SLC24A2: variants seen among roughly 807,000 people sequenced by gnomAD.
SLC24A2 encodes the protein solute carrier family 24 member 2.
Under a neutral mutation model 62.0 loss-of-function variants are expected in SLC24A2, and 36 were observed. The observed-to-expected ratio is 0.58, with a 90% CI of 0.44 to 0.77. SLC24A2 has a LOEUF of 0.77. Ranked by LOEUF, SLC24A2 falls within the 30% of genes least tolerant of loss-of-function variation. The probability of loss-of-function intolerance (pLI) is 0.00; values close to 1 mark genes in which losing one functional copy is unlikely to be tolerated. For missense variants in SLC24A2, 846 were observed against 817.9 expected (o/e 1.03, Z -0.42); for synonymous variants, 358 against 294.0 (o/e 1.22, Z -2.23).
chr9:19,535,263 G>C (rs1024366977), intron 8 of SLC24A2, among the ~76,000 whole-genome samples: 1 of 152,146 alleles, frequency 6.6e-6, no homozygotes, highest in African/African-American at 2.4e-5. Context: ...CCGTTTGTCA[G>C]ATGGATAGAT....
At chr9:19,567,002 T>C (rs1164107537) in intron 7 of SLC24A2, among the ~76,000 whole-genome samples, 18 of 151,716 alleles carry the variant, frequency 1.2e-4, no homozygotes, top group Admixed American at 1.2e-3. Flanking sequence ...GAGATATATC[T>C]AATGTAAATG....
chr9:19,769,958 T>A (rs984835567), intron 2 of SLC24A2, among the ~76,000 whole-genome samples: 1 of 152,046 alleles, frequency 6.6e-6, no homozygotes, highest in African/African-American at 2.4e-5. Flanking sequence ...GCAGGCACTG[T>A]GCACACTGTG....
At chr9:19,572,432 C>T (rs189276724) in intron 7 of SLC24A2, among the ~76,000 whole-genome samples, 180 of 152,150 alleles carry the variant, frequency 1.2e-3, no homozygotes, top group African/African-American at 4.0e-3. Flanking sequence ...GTGATTGAAT[C>T]TGGGGGGCAG....
At chr9:20,004,712 T>C in the SLC24A2 span, among the ~76,000 whole-genome samples, 1 of 152,214 alleles carries the variant, frequency 6.6e-6, no homozygotes, top group African/African-American at 2.4e-5. Flanking sequence ...CAATATGATA[T>C]ATCTTGTCTC....
At chr9:20,239,009 A>C in the SLC24A2 span, among the ~76,000 whole-genome samples, 1 of 152,216 alleles carries the variant, frequency 6.6e-6, no homozygotes, top group African/African-American at 2.4e-5. Context: ...GAGAGCTCTC[A>C]CCAGAAACTA....
At chr9:19,527,974 A>C in intron 9 of SLC24A2, 75 bp downstream of exon 9, 1 of 948,508 alleles carries the variant, frequency 1.1e-6, no homozygotes. Context: ...GCAGAAAGCA[A>C]ACACAATGAT....
chr9:19,901,493 G>C, the SLC24A2 span, among the ~76,000 whole-genome samples: 1 of 152,180 alleles, frequency 6.6e-6, no homozygotes, highest in Non-Finnish European at 1.5e-5. Flanking sequence ...GGTCAAAGGA[G>C]GAGGGGTTGG....
intron 2 of SLC24A2, among the ~76,000 whole-genome samples, chr9:19,672,040 C>A (rs904725002): frequency 6.9e-6 from 1 of 145,592 alleles, no homozygotes; most frequent in Admixed American, 6.7e-5. Context: ...CCTTTCCTGG[C>A]TTTGGTATTA....
intron 2 of SLC24A2, among the ~76,000 whole-genome samples, chr9:19,713,074 C>T (rs1820759514): frequency 6.6e-6 from 1 of 152,156 alleles, no homozygotes; most frequent in South Asian, 2.1e-4. Context: ...TCCCCTTTCC[C>T]TGTTTTATTT....
chr9:19,927,006 G>A, the SLC24A2 span: 1 of 152,200 alleles, frequency 6.6e-6, no homozygotes, highest in Non-Finnish European at 1.5e-5. Flanking sequence ...CTTGAGGCAG[G>A]GGCGTAACTC....
chr9:19,950,052 C>T, the SLC24A2 span, among the ~76,000 whole-genome samples: 2 of 152,148 alleles, frequency 1.3e-5, no homozygotes, highest in East Asian at 1.9e-4. Flanking sequence ...TGGAAGTTGA[C>T]GAGCATGGGT....
the SLC24A2 span, among the ~76,000 whole-genome samples, chr9:20,200,538 C>T: frequency 6.6e-6 from 1 of 152,222 alleles, no homozygotes; most frequent in Non-Finnish European, 1.5e-5. Flanking sequence ...GGAAATCGAA[C>T]AGAGGGAAAG....
Position 19,523,193 on chromosome 9 carries a change from AC to A in SLC24A2, c.1570-2134del, listed in dbSNP as rs373020624. Reference sequence around the variant, plus strand: ...AATTTGTATTTGGAGTTTGAATGCTACTATATACAGGAAAACATAGGAATTG... The same window carrying A: ...AATTTGTATTTGGAGTTTGAATGCTATATATACAGGAAAACATAGGAATTG... On this transcript the variant is annotated intron_variant, in intron 9 of 10. Coordinates refer to ENST00000341998, the MANE Select transcript of SLC24A2 (RefSeq NM_020344.4). Among the ~76,000 whole-genome samples the A allele has an allele frequency of 2.6e-5, 4 of 152,316 alleles. No individual in the cohort carries two copies. The East Asian group carries it at 7.7e-4, about 29-fold the overall frequency.
At chr9:20,262,869 A>G in the SLC24A2 span, among the ~76,000 whole-genome samples, 1 of 146,208 alleles carries the variant, frequency 6.8e-6, no homozygotes, top group Admixed American at 7.0e-5. Context: ...GTGCCTTTCT[A>G]TTCTGCAGGG....
At chr9:19,552,940 G>A (rs1181725340) in intron 7 of SLC24A2, among the ~76,000 whole-genome samples, 1 of 152,202 alleles carries the variant, frequency 6.6e-6, no homozygotes, top group African/African-American at 2.4e-5. Context: ...AAGCTGCATT[G>A]GAGGTAGCTG....
At chr9:19,728,184 C>T (rs1821228351) in intron 2 of SLC24A2, among the ~76,000 whole-genome samples, 2 of 152,086 alleles carry the variant, frequency 1.3e-5, no homozygotes, top group African/African-American at 4.8e-5. Context: ...GCAGCAGTTC[C>T]ACTCCAGGAC....
intron 2 of SLC24A2, among the ~76,000 whole-genome samples, chr9:19,657,374 T>A (rs1456251992): frequency 6.6e-6 from 1 of 152,126 alleles, no homozygotes; most frequent in African/African-American, 2.4e-5. Context: ...CTTTTTTTCA[T>A]GTTTTTATTT....
chr9:19,622,194 C>T, intron 3 of SLC24A2, 67 bp downstream of exon 3: 3 of 1,394,346 alleles, frequency 2.2e-6, no homozygotes, highest in Non-Finnish European at 2.0e-6. Flanking sequence ...ACCCGTCTCA[C>T]TCCCACCCCT....
the SLC24A2 span, among the ~76,000 whole-genome samples, chr9:20,106,450 T>C: frequency 2.6e-5 from 4 of 152,176 alleles, no homozygotes; most frequent in African/African-American, 9.7e-5. Flanking sequence ...AAATCCTCAA[T>C]AAAATACTGG....
Sources: allele counts gnomAD v4.1 joint callset (sites outside exome capture counted in the v4.1 genomes callset), GRCh38; gene constraint gnomAD v4.1.1; transcripts MANE v1.5; gene names NCBI Gene and HGNC (gene_info 2026-07-23, HGNC 2026-07-21).